The following ZC3H11A variants were observed in gnomAD, a reference collection of about 807,000 sequenced individuals.
ZC3H11A encodes the protein zinc finger CCCH-type containing 11A.
Under a neutral mutation model 90.8 loss-of-function variants are expected in ZC3H11A, and 22 were observed. The ratio of observed to expected loss-of-function variants is 0.24; its 90% CI spans 0.17 to 0.35. The LOEUF is 0.35. Ranked by LOEUF, ZC3H11A falls within the 10% of genes least tolerant of loss-of-function variation. The pLI, the probability that ZC3H11A is intolerant of heterozygous loss-of-function variation, is 1.00. For missense variants in ZC3H11A, 701 were observed against 964.9 expected, an observed-to-expected ratio of 0.73 and a Z score of 3.62; for synonymous variants, 294 against 339.8, an observed-to-expected ratio of 0.87 and a Z score of 1.48.
intron 9 of ZC3H11A, among the ~76,000 whole-genome samples, chr1:203,832,153 G>T (rs2103048229): frequency 6.6e-6 from 1 of 152,244 alleles, no homozygotes; most frequent in South Asian, 2.1e-4. Flanking sequence ...CCGTCTTCTG[G>T]GTTCAAGCAA....
chr1:203,835,199 C>T (rs1683892354), intron 10 of ZC3H11A, among the ~76,000 whole-genome samples: 1 of 152,150 alleles, frequency 6.6e-6, no homozygotes, highest in African/African-American at 2.4e-5. Flanking sequence ...AGATAATGCC[C>T]ATGAATGAAA....
chr1:203,833,530 T>C (rs1683155416), intron 9 of ZC3H11A, among the ~76,000 whole-genome samples: 1 of 151,584 alleles, frequency 6.6e-6, no homozygotes, highest in Admixed American at 6.6e-5. Context: ...GAGTCTATTA[T>C]TATTATCAAA....
chr1:203,850,341 TGTAGTGACCACCATGTGACCACAA>T, intron 15 of ZC3H11A, 150 bp from the exon 16 acceptor site: 1 of 899,096 alleles, frequency 1.1e-6, no homozygotes, highest in Non-Finnish European at 1.8e-6. Flanking sequence ...GGTGACCACC[TGTAGTGACCACCATGTGACCACAA>T]ATTGCCTTTG....
At chr1:203,797,350 T>G (rs1018121237) in intron 1 of ZC3H11A, 2 of 578,900 alleles carry the variant, frequency 3.5e-6, no homozygotes, top group Non-Finnish European at 2.9e-6. Flanking sequence ...TCTCCATTGC[T>G]GTCAGTTTTC....
chr1:203,830,750 A>G (rs1166826165), intron 8 of ZC3H11A, among the ~76,000 whole-genome samples: 29 of 151,954 alleles, frequency 1.9e-4, no homozygotes, highest in Admixed American at 1.8e-3. Context: ...CAGAGGTTGC[A>G]GTGAGCTGAG....
chr1:203,816,182 TGA>T (rs1676313083), intron 2 of ZC3H11A, among the ~76,000 whole-genome samples: 1 of 152,236 alleles, frequency 6.6e-6, no homozygotes, highest in Non-Finnish European at 1.5e-5. Flanking sequence ...TTCATTTAGA[TGA>T]AACATTCTAC....
In ZC3H11A at chr1:203,802,714, C is replaced by CTTTTTTTTTTT. The variant is rs150416242; in HGVS notation, c.-439_-438insTTTTTTTTTTT. 5 of 131,658 alleles carry CTTTTTTTTTTT rather than the reference C, an allele frequency of 3.8e-5. No individual in the cohort carries two copies. The highest frequency in any genetic ancestry group is 4.9e-5 in the Non-Finnish European group (3 of 60,896). The allele number at this position is 131,658 out of a possible 1,614,324, so 8.2% of individuals were successfully genotyped here. On this transcript the variant is annotated 5_prime_UTR_variant, in exon 2 of 18. The change abolishes the stop of an existing upstream ORF in the 5' untranslated region. Coordinates refer to ENST00000367210, the MANE Select transcript of ZC3H11A (RefSeq NM_001376342.1). ...TCTCAAGTTCATCTTTAAATGAACT[C>CTTTTTTTTTTT]TTTTTTTTTGTTTTTTTTTTGTTTT...
chr1:203,851,172 GT>G lies in ZC3H11A; in HGVS notation c.2174+51del, dbSNP rs145406733. On this transcript the variant is annotated intron_variant, in intron 17 of 17. Coordinates refer to ENST00000367210, the MANE Select transcript of ZC3H11A (RefSeq NM_001376342.1). ...AAACAAACTCCAGGCCCCTGTTACTGTTTAGGCTCTCTAGAGAATAACACTG... is the reference window on the plus strand; with the variant it reads ...AAACAAACTCCAGGCCCCTGTTACTGTTAGGCTCTCTAGAGAATAACACTG... The G allele has an allele frequency of 1.9e-3, 2,994 of 1,555,800 alleles. 69 individuals are homozygous for G. The African/African-American group carries it at 0.037, about 19-fold the overall frequency.
intron 4 of ZC3H11A, among the ~76,000 whole-genome samples, chr1:203,822,486 T>C (rs981040521): frequency 6.6e-6 from 1 of 152,122 alleles, no homozygotes; most frequent in Non-Finnish European, 1.5e-5. Context: ...TGTGATACTT[T>C]GTGCTGAGCG....
chr1:203,797,921 C>G (rs1198384538), intron 1 of ZC3H11A: 1 of 1,535,768 alleles, frequency 6.5e-7, no homozygotes, highest in African/African-American at 1.4e-5. Flanking sequence ...CCAAGACCTC[C>G]ATTGTGTGGC....
At chr1:203,830,925 ATTTTTTTTTTTTTTTTTTT>A (rs774771270) in intron 8 of ZC3H11A, among the ~76,000 whole-genome samples, 828 of 51,458 alleles carry the variant, frequency 0.016, 16 homozygotes, top group African/African-American at 0.055. Context: ...CCAACCCCCA[ATTTTTTTTTTTTTTTTTTT>A]TTTTTTTTTT....
rs146624078 is a variant in ZC3H11A at position 203,805,338 on chromosome 1, G to A, written c.-146+2322G>A. 5.0e-3 allele frequency among the ~76,000 whole-genome samples: 767 copies of A among 151,900 alleles called. 7 individuals carry two copies. Among genetic ancestry groups the A allele is most frequent in the African/African-American group, 0.017 (710 of 41,402 alleles). On this transcript the variant is annotated intron_variant, in intron 2 of 17. Transcript: ENST00000367210. The stretch of plus-strand genomic sequence containing the variant: ...AGTAGAGATGGGGTTTCACCATGTT[G>A]GCCAGGCTGGTCTCGAACTTCTGAC...
In ZC3H11A at chr1:203,838,041, A is replaced by C. The variant is rs780343743; in HGVS notation, c.950A>C (p.Asn317Thr). Residue 317 changes from asparagine to threonine, a missense_variant, in exon 11 of 18, where the codon AAC becomes ACC. Around this residue, in one of 4 missense-constraint regions of ZC3H11A, gnomAD observed 530 missense variants for 696.2 expected, o/e 0.76. Transcript: ENST00000367210. ...LGKKVEAPET[N>T]IDKTPKKAQV... ...AAGAAAGTTGAAGCTCCAGAAACTA[A>C]CATTGACAAAACACCAAAGAAAGGT... is the stretch of plus-strand genomic sequence containing the variant. 3 of 1,614,114 alleles carry C rather than the reference A, an allele frequency of 1.9e-6. No homozygotes were observed. The South Asian group carries it at 3.3e-5, about 18-fold the overall frequency.
intron 1 of ZC3H11A, chr1:203,800,762 T>C (rs1670319162): frequency 4.8e-6 from 1 of 207,354 alleles, no homozygotes; most frequent in Non-Finnish European, 9.5e-6. Context: ...TCCTGGTAGA[T>C]TGAACTAGTA....
intron 1 of ZC3H11A, chr1:203,800,787 A>G (rs181240822): frequency 5.6e-6 from 1 of 180,048 alleles, no homozygotes; most frequent in East Asian, 1.4e-4. Context: ...GTTTTAAGTA[A>G]AACTTCCCCC....
In ZC3H11A at chr1:203,852,005, C is replaced by T. The variant is rs16830293; in HGVS notation, c.2175-136C>T. On this transcript the variant is annotated intron_variant, in intron 17 of 17. Transcript: ENST00000367210. ...AAAAAAAAAAAAAAAAGCTTGATCC[C>T]AAATCAGTAAAAGAATTATTTCTTT... is the stretch of plus-strand genomic sequence containing the variant. The T allele has an allele frequency of 0.041, 18,207 of 444,002 alleles. 2,009 individuals are homozygous for T. In the East Asian group the frequency reaches 0.42, roughly 10 times the overall value. The allele number at this position is 444,002 out of a possible 1,614,324, so 27.5% of individuals were successfully genotyped here. A position where few individuals can be genotyped will look rare whatever the true frequency, so the allele number is the denominator to read the frequency against.
intron 2 of ZC3H11A, among the ~76,000 whole-genome samples, chr1:203,814,155 C>T (rs1572030354): frequency 6.6e-6 from 1 of 152,142 alleles, no homozygotes; most frequent in Non-Finnish European, 1.5e-5. Context: ...TCAGCTAAAA[C>T]CCAAGTTCAT....
In ZC3H11A at chr1:203,818,285, A is replaced by AGTGTTTTTTTCTTTT. The variant is rs1372468139; in HGVS notation, c.55-285_55-284insGTGTTTTTTTCTTTT. Among the ~76,000 whole-genome samples, 330 of 150,582 alleles carry AGTGTTTTTTTCTTTT rather than the reference A, an allele frequency of 2.2e-3. 1 individual carries two copies. Among genetic ancestry groups the AGTGTTTTTTTCTTTT allele is most frequent in the Non-Finnish European group, 4.0e-3 (264 of 66,682 alleles). On this transcript the variant is annotated intron_variant, in intron 3 of 17. Transcript: ENST00000367210. ...CAGTTTTGAAGATGAACTGTAAAAT[A>AGTGTTTTTTTCTTTT]CATTTTTAAAGAGGACCTAACACTC...
Position 203,797,942 on chromosome 1 carries a change from T to C in ZC3H11A, c.-1588+2148T>C, listed in dbSNP as rs1018124594. 2.6e-6 allele frequency: 4 copies of C among 1,536,054 alleles called. No individual in the cohort carries two copies. The Admixed American group carries it at 7.8e-5, about 30-fold the overall frequency. On this transcript the variant is annotated intron_variant, in intron 1 of 17. Coordinates refer to ENST00000367210, the MANE Select transcript of ZC3H11A (RefSeq NM_001376342.1). ...CCTCCATTGTGTGGCACTTCTTTCATGTTGACCCCCAGTACACCTGGCGGG... is the reference window on the plus strand; with the variant it reads ...CCTCCATTGTGTGGCACTTCTTTCACGTTGACCCCCAGTACACCTGGCGGG...
Sources: allele counts gnomAD v4.1 joint callset (sites outside exome capture counted in the v4.1 genomes callset), GRCh38; gene constraint gnomAD v4.1.1; regional missense constraint gnomAD v4.1.1; transcripts MANE v1.5; gene names NCBI Gene and HGNC (gene_info 2026-07-23, HGNC 2026-07-21).